DRD3: variants seen among roughly 807,000 people sequenced by gnomAD.
DRD3 encodes dopamine receptor D3.
DRD3 carries 19 observed loss-of-function variants against 36.3 expected under a neutral mutation model. The ratio of observed to expected loss-of-function variants is 0.52; its 90% CI spans 0.36 to 0.77. The LOEUF (loss-of-function observed/expected upper bound fraction) is 0.77, where lower values mean the gene tolerates loss of function less well. Among genes scored for constraint, DRD3 ranks in the 30% least tolerant of loss-of-function variants. The pLI is 0.00. For synonymous variants in DRD3, 195 were observed against 203.7 expected (o/e 0.96, Z 0.36); for missense variants, 465 against 505.3 (o/e 0.92, Z 0.77).
chr3:114,197,401 A>G (rs1336013179), intron 1 of DRD3, among the ~76,000 whole-genome samples: 9 of 150,054 alleles, frequency 6.0e-5, no homozygotes, highest in Non-Finnish European at 1.3e-4. Flanking sequence ...GATTACAAGC[A>G]TAAGACACTG....
At chr3:114,130,039 T>G (rs1056598743) in intron 6 of DRD3, among the ~76,000 whole-genome samples, 1 of 151,940 alleles carries the variant, frequency 6.6e-6, no homozygotes, top group African/African-American at 2.4e-5. Context: ...CTTGATGCCA[T>G]GAGTTTGAGA....
chr3:114,193,972 G>A (rs140670953), intron 1 of DRD3, among the ~76,000 whole-genome samples: 3 of 151,982 alleles, frequency 2.0e-5, no homozygotes, highest in African/African-American at 7.2e-5. Context: ...CTGCACTCTT[G>A]GTCAGTTCTA....
Position 114,128,695 on chromosome 3 carries a change from A to G in DRD3, c.*21T>C. On this transcript the variant is annotated 3_prime_UTR_variant, in exon 7 of 7. Coordinates refer to ENST00000383673, the MANE Select transcript of DRD3 (RefSeq NM_000796.6). ...CTGGCAGCTAGAAATGGGTACAAAG[A>G]GTGTTCCCTCTTCTGCTCCCTCAGC... 1 of 1,567,564 alleles carries G rather than the reference A, an allele frequency of 6.4e-7. No individual in the cohort carries two copies. The highest frequency in any genetic ancestry group is 8.7e-7 in the Non-Finnish European group (1 of 1,154,722).
intron 5 of DRD3, among the ~76,000 whole-genome samples, chr3:114,137,109 T>C (rs1386278779): frequency 6.6e-6 from 1 of 152,238 alleles, no homozygotes; most frequent in Admixed American, 6.5e-5. Context: ...ATTTCAGATC[T>C]TGTCTTATAG....
At chr3:114,135,606 A>C (rs1281332837) in intron 5 of DRD3, among the ~76,000 whole-genome samples, 1 of 151,640 alleles carries the variant, frequency 6.6e-6, no homozygotes. Flanking sequence ...ATTTTCTAAT[A>C]ATTAAAATAA....
intron 1 of DRD3, among the ~76,000 whole-genome samples, chr3:114,177,693 C>T (rs1376619401): frequency 6.6e-6 from 1 of 152,126 alleles, no homozygotes; most frequent in Non-Finnish European, 1.5e-5. Flanking sequence ...TCAGTATTTT[C>T]CTTGCTCAAT....
Position 114,171,913 on chromosome 3 carries a change from C to A in DRD3, c.80G>T (p.Arg27Leu). ...AENSTGASQA[R>L]PHAYYALSYC... ...GGAGAGGGCATAGTAGGCATGTGGG[C>A]GGGCCTGGCTGGCACCTGTGGAGTT... Residue 27 changes from arginine (R) to leucine (L), a missense_variant, in exon 2 of 7, where the codon CGC becomes CTC. Coordinates refer to ENST00000383673, the MANE Select transcript of DRD3 (RefSeq NM_000796.6). 1.2e-6 allele frequency: 2 copies of A among 1,607,536 alleles called. No individual in the cohort carries two copies. The highest frequency in any genetic ancestry group is 1.7e-6 in the Non-Finnish European group (2 of 1,176,522).
At chr3:114,185,624 A>AT (rs1475037750) in intron 1 of DRD3, among the ~76,000 whole-genome samples, 3 of 150,484 alleles carry the variant, frequency 2.0e-5, no homozygotes, top group African/African-American at 7.5e-5. Flanking sequence ...TGGTTGATTA[A>AT]TTAAAAAAAA....
intron 1 of DRD3, among the ~76,000 whole-genome samples, chr3:114,172,944 A>G (rs1054717514): frequency 1.3e-5 from 2 of 149,742 alleles, no homozygotes; most frequent in African/African-American, 4.9e-5. Flanking sequence ...AGAGGAGTCC[A>G]CTCTGGTCTT....
chr3:114,187,192 T>C (rs560338260), intron 1 of DRD3, among the ~76,000 whole-genome samples: 1 of 152,352 alleles, frequency 6.6e-6, no homozygotes, highest in Non-Finnish European at 1.5e-5. Flanking sequence ...TTTTTGCAAA[T>C]GTCTAAAAAA....
chr3:114,151,249 G>C (rs2077614480), intron 3 of DRD3, among the ~76,000 whole-genome samples: 1 of 152,196 alleles, frequency 6.6e-6, no homozygotes, highest in South Asian at 2.1e-4. Context: ...GCACCTTGGA[G>C]GAGGGGCTGA....
rs759285810 is a variant in DRD3, at chr3:114,159,775, G to A, written c.363C>T (p.Leu121=). The change falls in exon 3 of 7, where the codon CTC becomes CTT. Residue 121 remains leucine, a synonymous_variant. Coordinates refer to ENST00000383673, the MANE Select transcript of DRD3 (RefSeq NM_000796.6). ...CCTACCTGTCTATGCTGATGGCACA[G>A]AGATTAAGGATGCTGGCTGTACACA... ...VMMCTASILN[L]CAISIDRYTA... The A allele has an allele frequency of 2.5e-6, 4 of 1,614,062 alleles. No homozygotes were observed. The highest frequency in any genetic ancestry group is 3.4e-6 in the Non-Finnish European group (4 of 1,179,964).
intron 1 of DRD3, among the ~76,000 whole-genome samples, chr3:114,186,428 T>C (rs1276991305): frequency 6.6e-6 from 1 of 152,208 alleles, no homozygotes; most frequent in Admixed American, 6.5e-5. Context: ...CACCTGGCTC[T>C]AAATCTTCTT....
chr3:114,168,453 C>T lies in DRD3; in HGVS notation c.270+3270G>A, dbSNP rs1335145499. On this transcript the variant is annotated intron_variant, in intron 2 of 6. Transcript: ENST00000383673. Reference sequence around the variant, plus strand: ...CACGTTTTCATTTTTTCTTTTTTAGCTTCCTTTGCAGCTAAAGGTGGCCTC... The same window carrying T: ...CACGTTTTCATTTTTTCTTTTTTAGTTTCCTTTGCAGCTAAAGGTGGCCTC... Among the ~76,000 whole-genome samples, 3 of 152,188 alleles carry T rather than the reference C, an allele frequency of 2.0e-5. No individual in the cohort carries two copies. The East Asian group carries it at 5.8e-4, about 29-fold the overall frequency.
intron 3 of DRD3, among the ~76,000 whole-genome samples, chr3:114,157,573 C>T (rs1041654231): frequency 5.9e-5 from 9 of 152,158 alleles, no homozygotes; most frequent in African/African-American, 1.9e-4. Flanking sequence ...TCAATTGGCC[C>T]AGTGTTGTGC....
intron 4 of DRD3, among the ~76,000 whole-genome samples, chr3:114,141,411 T>G (rs2077522407): frequency 6.6e-6 from 1 of 152,226 alleles, no homozygotes; most frequent in African/African-American, 2.4e-5. Flanking sequence ...GTATAGTAGT[T>G]GTGAGAATTA....
rs1432627241 is a variant in DRD3 at position 114,156,841 on chromosome 3, TTTCTTTTC to T, written c.383+2906_383+2913del. Among the ~76,000 whole-genome samples the T allele has an allele frequency of 6.4e-4, 74 of 116,162 alleles. 1 individual carries two copies. The highest frequency in any genetic ancestry group is 1.2e-3 in the Non-Finnish European group (68 of 56,660). 76.2% of individuals were successfully genotyped at this position (116,162 alleles called of 152,430 possible). A position where few individuals can be genotyped will look rare whatever the true frequency, so the allele number is the denominator to read the frequency against. On this transcript the variant is annotated intron_variant, in intron 3 of 6. Coordinates refer to ENST00000383673, the MANE Select transcript of DRD3 (RefSeq NM_000796.6). Reference sequence around the variant, plus strand: ...CTTTTTTCTTTCTTTCTTTCCTTTCTTTCTTTTCTTTCTTTCTTCCTTTCTTTCTTTTT... The same window carrying T: ...CTTTTTTCTTTCTTTCTTTCCTTTCTTTTCTTTCTTCCTTTCTTTCTTTTT...
At chr3:114,195,459 C>T (rs1237610273) in intron 1 of DRD3, among the ~76,000 whole-genome samples, 1 of 152,106 alleles carries the variant, frequency 6.6e-6, no homozygotes, top group Non-Finnish European at 1.5e-5. Context: ...TCTGAAATCA[C>T]ATAGTAAAAT....
At chr3:114,197,624 AGTACAAGACATGG>A (rs1365864238) in intron 1 of DRD3, among the ~76,000 whole-genome samples, 3 of 152,310 alleles carry the variant, frequency 2.0e-5, no homozygotes, top group Non-Finnish European at 4.4e-5. Context: ...TTTTGTTTAT[AGTACAAGACATGG>A]GTTGAAGTTC....
Sources: allele counts gnomAD v4.1 joint callset (sites outside exome capture counted in the v4.1 genomes callset), GRCh38; gene constraint gnomAD v4.1.1; transcripts MANE v1.5; gene names NCBI Gene and HGNC (gene_info 2026-07-23, HGNC 2026-07-21).